Variants in KCNQ5 observed in about 807,000 individuals in gnomAD.
KCNQ5 encodes potassium voltage-gated channel subfamily Q member 5.
KCNQ5 carries 30 observed loss-of-function variants against 98.2 expected under a neutral mutation model. The observed-to-expected ratio is 0.31, with a 90% CI of 0.23 to 0.41. KCNQ5 has a LOEUF of 0.41. KCNQ5 is among the 10% of genes least tolerant of loss of function. The pLI is 1.00. For missense variants in KCNQ5, 835 were observed against 1,182.5 expected (o/e 0.71, Z 4.31); for synonymous variants, 458 against 449.4 (o/e 1.02, Z -0.24).
At chr6:72,722,608 G>T (rs1770028540) in intron 1 of KCNQ5, among the ~76,000 whole-genome samples, 1 of 152,096 alleles carries the variant, frequency 6.6e-6, no homozygotes, top group Non-Finnish European at 1.5e-5. Flanking sequence ...CTGACATGGT[G>T]GCTGAATCAG....
In KCNQ5 at chr6:73,074,419, C is replaced by A. The variant is rs117712199; in HGVS notation, c.617-2903C>A. Among the ~76,000 whole-genome samples the A allele has an allele frequency of 3.2e-3, 489 of 152,226 alleles. 11 individuals are homozygous for A. The highest frequency in any genetic ancestry group is 0.029 in the East Asian group (149 of 5,182). On this transcript the variant is annotated intron_variant, in intron 3 of 13. Transcript: ENST00000370398. ...TCAGTTTACTGAACTCTAACTTTCT[C>A]GTCTGATCTGAATTACAATGAGGGT...
intron 5 of KCNQ5, among the ~76,000 whole-genome samples, chr6:73,101,518 T>A (rs2150415438): frequency 6.6e-6 from 1 of 152,064 alleles, no homozygotes; most frequent in Middle Eastern, 3.4e-3. Context: ...AGAGTCCCCA[T>A]AAAAAAACTA....
chr6:72,826,217 A>T (rs546661983), intron 1 of KCNQ5, among the ~76,000 whole-genome samples: 7 of 152,316 alleles, frequency 4.6e-5, no homozygotes, highest in African/African-American at 1.7e-4. Flanking sequence ...ATATGACATG[A>T]GGAATACTTT....
At chr6:72,860,444 G>A (rs749399228) in intron 1 of KCNQ5, among the ~76,000 whole-genome samples, 1 of 151,940 alleles carries the variant, frequency 6.6e-6, no homozygotes, top group African/African-American at 2.4e-5. Context: ...TGTGGCTTTG[G>A]CTTACTTAAT....
At chr6:72,780,459 C>G (rs1393013412) in intron 1 of KCNQ5, among the ~76,000 whole-genome samples, 2 of 152,140 alleles carry the variant, frequency 1.3e-5, no homozygotes, top group Admixed American at 6.5e-5. Flanking sequence ...TTCAGGGAAG[C>G]CTCAGGGGGC....
intron 1 of KCNQ5, among the ~76,000 whole-genome samples, chr6:72,692,172 C>G (rs1768243407): frequency 1.3e-5 from 2 of 152,314 alleles, no homozygotes; most frequent in South Asian, 4.1e-4. Flanking sequence ...TGAGCATCTG[C>G]TCGATGCCAG....
chr6:72,701,929 A>G (rs995892993), intron 1 of KCNQ5, among the ~76,000 whole-genome samples: 1 of 152,086 alleles, frequency 6.6e-6, no homozygotes, highest in African/African-American at 2.4e-5. Flanking sequence ...CCTGGGATCA[A>G]GCAATCTGCC....
intron 1 of KCNQ5, among the ~76,000 whole-genome samples, chr6:72,663,931 GT>G (rs2154473015): frequency 6.6e-6 from 1 of 152,262 alleles, no homozygotes; most frequent in Admixed American, 6.5e-5. Flanking sequence ...AGACCATCCA[GT>G]TTCAGATTTT....
chr6:72,895,114 TAA>T (rs71540357), intron 1 of KCNQ5, among the ~76,000 whole-genome samples: 908 of 89,214 alleles, frequency 0.01, 12 homozygotes, highest in African/African-American at 0.031. Flanking sequence ...CCATCTCTAC[TAA>T]AAAAAAAAAA....
chr6:73,051,705 C>CAAAAAAAAAAAA (rs201199934), intron 3 of KCNQ5, among the ~76,000 whole-genome samples: 15 of 97,174 alleles, frequency 1.5e-4, no homozygotes, highest in African/African-American at 6.2e-4. Flanking sequence ...AAGATAGAGG[C>CAAAAAAAAAAAA]AAAAAAAAAA....
chr6:72,674,044 A>G (rs1767276013), intron 1 of KCNQ5, among the ~76,000 whole-genome samples: 1 of 151,950 alleles, frequency 6.6e-6, no homozygotes, highest in Non-Finnish European at 1.5e-5. Context: ...TTGTTATATT[A>G]TAATAAAAAA....
intron 8 of KCNQ5, among the ~76,000 whole-genome samples, chr6:73,123,170 T>A (rs749758374): frequency 2.0e-5 from 3 of 151,272 alleles, no homozygotes; most frequent in Non-Finnish European, 2.9e-5. Context: ...GAAGTATGTA[T>A]TCAAGGGATG....
intron 2 of KCNQ5, among the ~76,000 whole-genome samples, chr6:73,034,551 G>A (rs1372991957): frequency 6.6e-6 from 1 of 152,200 alleles, no homozygotes; most frequent in African/African-American, 2.4e-5. Context: ...GTTAATTAAT[G>A]AGAAAACAAC....
chr6:72,686,726 T>TG (rs934157980), intron 1 of KCNQ5, among the ~76,000 whole-genome samples: 5 of 150,926 alleles, frequency 3.3e-5, no homozygotes, highest in African/African-American at 1.2e-4. Context: ...TGTTTTTTTT[T>TG]TTTTTTTTTT....
intron 1 of KCNQ5, among the ~76,000 whole-genome samples, chr6:72,887,086 G>T (rs1372086034): frequency 6.6e-6 from 1 of 152,036 alleles, no homozygotes; most frequent in African/African-American, 2.4e-5. Flanking sequence ...ATTTTAAGAG[G>T]ATTATCAGAA....
intron 1 of KCNQ5, among the ~76,000 whole-genome samples, chr6:72,654,495 A>T (rs958254000): frequency 7.2e-5 from 11 of 152,072 alleles, no homozygotes; most frequent in African/African-American, 2.4e-4. Flanking sequence ...TCTGAGTGAA[A>T]GTTAGAAATA....
intron 1 of KCNQ5, among the ~76,000 whole-genome samples, chr6:72,964,091 A>G (rs747283518): frequency 6.6e-6 from 1 of 152,224 alleles, no homozygotes; most frequent in Non-Finnish European, 1.5e-5. Flanking sequence ...ATTTACTTAA[A>G]TGAATCATAG....
At chr6:72,632,544 A>AC (rs2098921604) in intron 1 of KCNQ5, among the ~76,000 whole-genome samples, 1 of 151,914 alleles carries the variant, frequency 6.6e-6, no homozygotes, top group South Asian at 2.1e-4. Context: ...TGAGCATAGT[A>AC]CCCAATTGTT....
intron 1 of KCNQ5, among the ~76,000 whole-genome samples, chr6:72,737,709 C>T (rs1257334162): frequency 6.6e-6 from 1 of 152,206 alleles, no homozygotes; most frequent in African/African-American, 2.4e-5. Flanking sequence ...AATGAAATCA[C>T]ATTCCCTATT....
Sources: gnomAD v4.1 joint callset for allele counts (sites outside exome capture counted in the v4.1 genomes callset) on GRCh38, gnomAD v4.1.1 for gene constraint, MANE v1.5 for transcripts, NCBI Gene and HGNC (gene_info 2026-07-23, HGNC 2026-07-21) for gene names.